The following WSCD2 variants were observed in gnomAD, a reference collection of about 807,000 sequenced individuals.
WSCD2 encodes sialate:O-sulfotransferase 2.
Under a neutral mutation model 55.7 loss-of-function variants are expected in WSCD2, and 28 were observed. The observed-to-expected ratio is 0.50, with a 90% CI of 0.37 to 0.69. WSCD2 has a LOEUF of 0.69. Ranked by LOEUF, WSCD2 falls within the 30% of genes least tolerant of loss-of-function variation. WSCD2 has a pLI of 0.00. For synonymous variants in WSCD2, 301 were observed against 301.9 expected (o/e 1.00, Z 0.03); for missense variants, 616 against 762.1 (o/e 0.81, Z 2.26).
At chr12:108,233,245 A>C in intron 7 of WSCD2, 1 of 182,052 alleles carries the variant, frequency 5.5e-6, no homozygotes, top group Non-Finnish European at 1.2e-5. Flanking sequence ...CTGACCAGCA[A>C]CTCTTTGATG....
intron 1 of WSCD2, among the ~76,000 whole-genome samples, chr12:108,153,903 G>A (rs1371677203): frequency 6.6e-6 from 1 of 151,974 alleles, no homozygotes; most frequent in East Asian, 1.9e-4. Context: ...GTCTCGAGGG[G>A]CAAATGGAAG....
intron 6 of WSCD2, among the ~76,000 whole-genome samples, chr12:108,231,959 G>C (rs922107265): frequency 6.6e-6 from 1 of 152,150 alleles, no homozygotes; most frequent in Non-Finnish European, 1.5e-5. Flanking sequence ...ATAGACAGTG[G>C]GACCCATTCA....
At chr12:108,135,256 G>A (rs1876065574) in intron 1 of WSCD2, among the ~76,000 whole-genome samples, 2 of 152,178 alleles carry the variant, frequency 1.3e-5, no homozygotes, top group Non-Finnish European at 2.9e-5. Flanking sequence ...ATCATACTCT[G>A]TGCTGGGCAC....
chr12:108,221,309 C>T (rs1887490952), intron 4 of WSCD2, among the ~76,000 whole-genome samples: 1 of 152,156 alleles, frequency 6.6e-6, no homozygotes, highest in South Asian at 2.1e-4. Context: ...AATTCCAGCA[C>T]TTTGGGAGGC....
chr12:108,151,195 G>A (rs757797090), intron 1 of WSCD2, among the ~76,000 whole-genome samples: 29 of 152,096 alleles, frequency 1.9e-4, no homozygotes, highest in Non-Finnish European at 3.7e-4. Context: ...CAACCCTGTT[G>A]ACATTTGTGG....
At chr12:108,213,689 A>T (rs1886495183) in intron 4 of WSCD2, among the ~76,000 whole-genome samples, 1 of 152,212 alleles carries the variant, frequency 6.6e-6, no homozygotes, top group African/African-American at 2.4e-5. Flanking sequence ...AAAAGAGTGC[A>T]CAAAAGCCTG....
At chr12:108,158,246 C>T (rs1878719435) in intron 1 of WSCD2, among the ~76,000 whole-genome samples, 3 of 152,060 alleles carry the variant, frequency 2.0e-5, no homozygotes, top group Admixed American at 2.0e-4. Flanking sequence ...TTAAATTGCC[C>T]CTGGAGAGGC....
Position 108,149,849 on chromosome 12 carries a change from A to G in WSCD2, c.-552+19923A>G, listed in dbSNP as rs200090649. On this transcript the variant is annotated intron_variant, in intron 1 of 8. Transcript: ENST00000547525. ...AGGTTCCGCCTCCCATGCCCCAGGC[A>G]CTCTTCTCAGGACATCACGTACACT... 2.0e-5 allele frequency: 3 copies of G among 152,062 alleles called. No individual in the cohort carries two copies. In the East Asian group the frequency reaches 5.8e-4, roughly 29 times the overall value. The allele number at this position is 152,062 out of a possible 1,614,324, so 9.4% of individuals were successfully genotyped here.
Position 108,158,629 on chromosome 12 carries a change from G to A in WSCD2, c.-552+28703G>A, listed in dbSNP as rs1299590188. Among the ~76,000 whole-genome samples the A allele has an allele frequency of 2.6e-5, 4 of 152,110 alleles. No individual in the cohort carries two copies. In the East Asian group the frequency reaches 7.7e-4, roughly 29 times the overall value. On this transcript the variant is annotated intron_variant, in intron 1 of 8. Coordinates refer to ENST00000547525, the MANE Select transcript of WSCD2 (RefSeq NM_014653.4). ...ATTTTCACCTCTGGAAGATAGAGGT[G>A]GCAATGATGCTTCTCTCACAGCAGA...
At chr12:108,198,493 C>A (rs962794062) in intron 2 of WSCD2, among the ~76,000 whole-genome samples, 2 of 152,130 alleles carry the variant, frequency 1.3e-5, no homozygotes, top group Non-Finnish European at 2.9e-5. Flanking sequence ...TTGTCCATGT[C>A]CCCTGATAGA....
intron 6 of WSCD2, among the ~76,000 whole-genome samples, chr12:108,227,836 TAA>T (rs1175629856): frequency 1.3e-5 from 2 of 152,046 alleles, no homozygotes; most frequent in African/African-American, 4.8e-5. Context: ...ATGATAGTGA[TAA>T]GAGTGACGCT....
chr12:108,172,538 T>C (rs1285979091), intron 1 of WSCD2, among the ~76,000 whole-genome samples: 1 of 152,190 alleles, frequency 6.6e-6, no homozygotes, highest in Non-Finnish European at 1.5e-5. Flanking sequence ...GGGCCCTAAA[T>C]TCAGTCACTA....
intron 1 of WSCD2, among the ~76,000 whole-genome samples, chr12:108,152,573 C>G (rs1318879443): frequency 6.6e-6 from 1 of 152,150 alleles, no homozygotes; most frequent in Non-Finnish European, 1.5e-5. Context: ...GGTGGCAGAG[C>G]CTGCTCTGGG....
In WSCD2 at chr12:108,232,839, T is replaced by C. The variant is rs1888915990; in HGVS notation, c.1088T>C (p.Leu363Ser). 7.4e-6 allele frequency: 12 copies of C among 1,613,962 alleles called. No homozygotes were observed. The highest frequency in any genetic ancestry group is 1.3e-5 in the African/African-American group (1 of 74,920). Residue 363 changes from leucine to serine, a missense_variant, in exon 7 of 9, where the codon TTG (leucine) becomes TCG (serine). Around this residue, in one of 3 missense-constraint regions of WSCD2, gnomAD observed 8 missense variants for 30.1 expected, o/e 0.27. Coordinates refer to ENST00000547525, the MANE Select transcript of WSCD2 (RefSeq NM_014653.4). ...GNTWARHLIELATGFYTGSYY... is the reference protein window; with the variant it reads ...GNTWARHLIESATGFYTGSYY... The stretch of plus-strand genomic sequence containing the variant: ...ACGTGGGCTCGCCACCTCATTGAAT[T>C]GGCCACAGGCTTCTACACTGGCAGC...
chr12:108,154,570 A>G (rs1379997311), intron 1 of WSCD2, among the ~76,000 whole-genome samples: 2 of 152,152 alleles, frequency 1.3e-5, no homozygotes, highest in Non-Finnish European at 2.9e-5. Flanking sequence ...GACAGGTCAC[A>G]TATTCACAGG....
chr12:108,240,869 A>G (rs550224802), intron 8 of WSCD2, among the ~76,000 whole-genome samples: 1 of 152,324 alleles, frequency 6.6e-6, no homozygotes, highest in South Asian at 2.1e-4. Context: ...AGGGCTCATT[A>G]ACCTCCCTGA....
In WSCD2 at chr12:108,132,952, C is replaced by T. The variant is rs1592857361; in HGVS notation, c.-552+3026C>T. On this transcript the variant is annotated intron_variant, in intron 1 of 8. Transcript: ENST00000547525. ...TGATTGTCTCTGTATGTGTGTGCAT[C>T]TGTTTGTTCTGGTGTAATCTCTGTG... is the stretch of plus-strand genomic sequence containing the variant. 7.9e-5 allele frequency among the ~76,000 whole-genome samples: 12 copies of T among 152,138 alleles called. 1 individual carries two copies. The highest frequency in any genetic ancestry group is 2.9e-4 in the African/African-American group (12 of 41,486).
At chr12:108,187,269 A>G (rs1882623602) in intron 1 of WSCD2, among the ~76,000 whole-genome samples, 1 of 152,204 alleles carries the variant, frequency 6.6e-6, no homozygotes, top group Non-Finnish European at 1.5e-5. Flanking sequence ...ATTCCTCAAA[A>G]TGTGTCCTCC....
intron 1 of WSCD2, among the ~76,000 whole-genome samples, chr12:108,142,990 T>A (rs929272319): frequency 6.6e-6 from 1 of 152,270 alleles, no homozygotes; most frequent in South Asian, 2.1e-4. Context: ...TTTAAAAAAA[T>A]TTTTGCAGAG....
Sources: allele counts gnomAD v4.1 joint callset (sites outside exome capture counted in the v4.1 genomes callset), GRCh38; gene constraint gnomAD v4.1.1; regional missense constraint gnomAD v4.1.1; transcripts MANE v1.5; gene names NCBI Gene and HGNC (gene_info 2026-07-23, HGNC 2026-07-21).